CDH18: variants seen among roughly 807,000 people sequenced by gnomAD.
CDH18 encodes cadherin-18.
In CDH18, 31 loss-of-function variants were observed where a neutral mutation model predicts 67.9. That is an observed-to-expected ratio of 0.46 (90% CI 0.34 to 0.62). The LOEUF (loss-of-function observed/expected upper bound fraction) is 0.62, where lower values mean the gene tolerates loss of function less well. Ranked by LOEUF, CDH18 falls within the 20% of genes least tolerant of loss-of-function variation. The probability of loss-of-function intolerance (pLI) is 0.01; values close to 1 mark genes in which losing one functional copy is unlikely to be tolerated. For synonymous variants in CDH18, 362 were observed against 347.2 expected, an observed-to-expected ratio of 1.04 and a Z score of -0.48; for missense variants, 890 against 975.5, an observed-to-expected ratio of 0.91 and a Z score of 1.17.
intron 4 of CDH18, among the ~76,000 whole-genome samples, chr5:19,746,405 C>A (rs543927503): frequency 7.9e-5 from 12 of 152,128 alleles, no homozygotes; most frequent in African/African-American, 2.9e-4. Flanking sequence ...AAATACTTCA[C>A]GGGGCTGTCA....
At chr5:20,473,569 T>C (rs533444393) in intron 1 of CDH18, among the ~76,000 whole-genome samples, 4 of 152,196 alleles carry the variant, frequency 2.6e-5, no homozygotes, top group Non-Finnish European at 2.9e-5. Flanking sequence ...ACTTAAAATA[T>C]TGTTCTTTTC....
intron 5 of CDH18, among the ~76,000 whole-genome samples, chr5:19,656,492 C>T (rs2150293435): frequency 6.6e-6 from 1 of 152,124 alleles, no homozygotes; most frequent in Non-Finnish European, 1.5e-5. Context: ...TTTAGAAATA[C>T]ATTTTCTTAT....
chr5:20,397,002 C>G (rs1325482707), intron 1 of CDH18, among the ~76,000 whole-genome samples: 1 of 152,160 alleles, frequency 6.6e-6, no homozygotes, highest in Non-Finnish European at 1.5e-5. Context: ...CAAATATGTT[C>G]TTAGCCCCAA....
chr5:19,991,296 G>A (rs748910399), upstream of CDH18, among the ~76,000 whole-genome samples: 2 of 152,002 alleles, frequency 1.3e-5, no homozygotes, highest in Non-Finnish European at 2.9e-5. Context: ...GCACAAACAT[G>A]GTGCATTGGC....
Position 20,389,539 on chromosome 5 carries a change from A to T in CDH18, c.-579-134034T>A, listed in dbSNP as rs141382754. Among the ~76,000 whole-genome samples the T allele has an allele frequency of 2.4e-4, 37 of 152,122 alleles. No individual in the cohort carries two copies. In the East Asian group the frequency reaches 6.6e-3, roughly 27 times the overall value. On this transcript the variant is annotated intron_variant, in intron 1 of 14. Coordinates refer to the CDH18 transcript ENST00000507958. Reference sequence around the variant, plus strand: ...GTCTGTGTCTTTAATTGGAGCATTTAGCCCAGAAAATGGCCATACTGCCCA... The same window carrying T: ...GTCTGTGTCTTTAATTGGAGCATTTTGCCCAGAAAATGGCCATACTGCCCA...
chr5:20,006,695 A>G (rs533300825), intron 2 of CDH18, among the ~76,000 whole-genome samples: 1 of 152,154 alleles, frequency 6.6e-6, no homozygotes, highest in East Asian at 1.9e-4. Context: ...TACCATTATT[A>G]TAAAGATATA....
intron 1 of CDH18, among the ~76,000 whole-genome samples, chr5:20,369,978 T>A (rs904780416): frequency 2.6e-5 from 4 of 152,154 alleles, no homozygotes; most frequent in African/African-American, 9.7e-5. Flanking sequence ...CACCCAGGAA[T>A]TAAGCCCAGC....
At chr5:20,389,604 C>T (rs767208361) in intron 1 of CDH18, among the ~76,000 whole-genome samples, 1 of 152,078 alleles carries the variant, frequency 6.6e-6, no homozygotes, top group Non-Finnish European at 1.5e-5. Flanking sequence ...ATCAAGCTAC[C>T]AATGACTTTC....
At chr5:20,056,784 C>T (rs1442473054) in intron 2 of CDH18, among the ~76,000 whole-genome samples, 3 of 147,080 alleles carry the variant, frequency 2.0e-5, no homozygotes, top group Non-Finnish European at 3.0e-5. Context: ...CCCGGGTTCA[C>T]GCCATTCTCC....
intron 1 of CDH18, among the ~76,000 whole-genome samples, chr5:20,453,278 C>T (rs1455497382): frequency 6.6e-6 from 1 of 152,104 alleles, no homozygotes. Context: ...TAAGCTGCCC[C>T]GTCACTTTTA....
At chr5:20,300,378 C>T (rs1307097603) in intron 1 of CDH18, among the ~76,000 whole-genome samples, 1 of 151,648 alleles carries the variant, frequency 6.6e-6, no homozygotes, top group Admixed American at 6.6e-5. Flanking sequence ...GTCATTCTCT[C>T]GTTTTTCCTG....
intron 5 of CDH18, among the ~76,000 whole-genome samples, chr5:19,661,256 G>A (rs1757129962): frequency 6.6e-6 from 1 of 151,736 alleles, no homozygotes; most frequent in Non-Finnish European, 1.5e-5. Flanking sequence ...ATTATTTTAA[G>A]TTTATAATAA....
chr5:19,828,239 C>G (rs1780623232), intron 3 of CDH18, among the ~76,000 whole-genome samples: 1 of 151,884 alleles, frequency 6.6e-6, no homozygotes, highest in South Asian at 2.1e-4. Flanking sequence ...AAGAGTCTTA[C>G]CAACCAGAAA....
intron 1 of CDH18, among the ~76,000 whole-genome samples, chr5:20,552,683 AT>A (rs917738276): frequency 2.6e-5 from 4 of 152,156 alleles, no homozygotes; most frequent in Non-Finnish European, 5.9e-5. Context: ...ACTATCTTAT[AT>A]TTTTACATAA....
chr5:20,339,840 ATG>A (rs1428421072), intron 1 of CDH18, among the ~76,000 whole-genome samples: 1 of 152,222 alleles, frequency 6.6e-6, no homozygotes, highest in East Asian at 1.9e-4. Context: ...GAAAGATTTT[ATG>A]CAACCCTTGA....
Position 20,534,151 on chromosome 5 carries a change from A to G in CDH18, c.-580+41311T>C, listed in dbSNP as rs184035970. 4.3e-3 allele frequency among the ~76,000 whole-genome samples: 653 copies of G among 152,152 alleles called. 3 individuals are homozygous for G. The highest frequency in any genetic ancestry group is 6.9e-3 in the Non-Finnish European group (468 of 67,948). On this transcript the variant is annotated intron_variant, in intron 1 of 14. Coordinates refer to the CDH18 transcript ENST00000507958. ...TGTTTGCCAAAATTGCAGATCACAC[A>G]TTTGCAAATGGCACATTCAAATAAA...
intron 4 of CDH18, among the ~76,000 whole-genome samples, chr5:19,745,046 A>T (rs2150723038): frequency 6.6e-6 from 1 of 152,254 alleles, no homozygotes; most frequent in Non-Finnish European, 1.5e-5. Flanking sequence ...GACACATGTT[A>T]TTCACATGAT....
chr5:20,132,338 A>C (rs1485292159), intron 2 of CDH18, among the ~76,000 whole-genome samples: 1 of 152,150 alleles, frequency 6.6e-6, no homozygotes, highest in Non-Finnish European at 1.5e-5. Flanking sequence ...AATTGATATA[A>C]AATTTTGAAT....
chr5:19,863,008 G>GT (rs1785067353), intron 2 of CDH18, among the ~76,000 whole-genome samples: 2 of 56,110 alleles, frequency 3.6e-5, no homozygotes, highest in Non-Finnish European at 7.9e-5. Flanking sequence ...TTGTACTGTG[G>GT]TTTTTTTAAC....
Sources: allele counts gnomAD v4.1 joint callset (sites outside exome capture counted in the v4.1 genomes callset), GRCh38; gene constraint gnomAD v4.1.1; transcripts MANE v1.5; gene names NCBI Gene and HGNC (gene_info 2026-07-23, HGNC 2026-07-21).